FAM135B: variants seen among roughly 807,000 people sequenced by gnomAD.
FAM135B encodes family with sequence similarity 135 member B.
In FAM135B, 43 loss-of-function variants were observed where a neutral mutation model predicts 127.7. That is an observed-to-expected ratio of 0.34 (90% confidence interval 0.26 to 0.43). FAM135B has a LOEUF of 0.43. FAM135B is among the 20% of genes least tolerant of loss of function. The pLI, the probability that FAM135B is intolerant of heterozygous loss-of-function variation, is 1.00. For synonymous variants in FAM135B, 670 were observed against 665.1 expected, an observed-to-expected ratio of 1.01 and a Z score of -0.11; for missense variants, 1,558 against 1,725.6, an observed-to-expected ratio of 0.90 and a Z score of 1.72.
At chr8:138,186,669 T>C (rs983295573) in intron 9 of FAM135B, among the ~76,000 whole-genome samples, 4 of 152,232 alleles carry the variant, frequency 2.6e-5, no homozygotes, top group Non-Finnish European at 5.9e-5. Flanking sequence ...GCTAATTTAG[T>C]TGCTTTGTAT....
intron 1 of FAM135B, among the ~76,000 whole-genome samples, chr8:138,490,138 T>G (rs1203642770): frequency 6.6e-6 from 1 of 152,230 alleles, no homozygotes; most frequent in Non-Finnish European, 1.5e-5. Context: ...TGCCTTCATT[T>G]CACAATTGGG....
chr8:138,183,183 T>C (rs1478463551), intron 9 of FAM135B, among the ~76,000 whole-genome samples: 1 of 152,242 alleles, frequency 6.6e-6, no homozygotes, highest in African/African-American at 2.4e-5. Context: ...AGGCACTGTG[T>C]GCCAAGAGCT....
intron 2 of FAM135B, among the ~76,000 whole-genome samples, chr8:138,356,297 C>T (rs112675160): frequency 6.7e-4 from 101 of 151,688 alleles, no homozygotes; most frequent in African/African-American, 2.4e-3. Context: ...AGAGAGCCAG[C>T]GAGTGAGAGA....
intron 1 of FAM135B, among the ~76,000 whole-genome samples, chr8:138,369,378 C>T (rs1830972770): frequency 6.6e-6 from 1 of 152,140 alleles, no homozygotes; most frequent in Non-Finnish European, 1.5e-5. Flanking sequence ...AGAGTGCAAC[C>T]TCACTGCAGT....
intron 2 of FAM135B, among the ~76,000 whole-genome samples, chr8:138,315,574 T>C (rs938179060): frequency 6.6e-6 from 1 of 151,882 alleles, no homozygotes; most frequent in African/African-American, 2.4e-5. Flanking sequence ...ACAACATAAG[T>C]GCCCAGCAAT....
intron 1 of FAM135B, among the ~76,000 whole-genome samples, chr8:138,443,633 G>A (rs1835935979): frequency 6.6e-6 from 1 of 152,158 alleles, no homozygotes; most frequent in South Asian, 2.1e-4. Flanking sequence ...TGAGGGACAA[G>A]GGCTGTTCCC....
At chr8:138,361,930 T>C (rs1376788286) in intron 2 of FAM135B, among the ~76,000 whole-genome samples, 1 of 152,198 alleles carries the variant, frequency 6.6e-6, no homozygotes. Context: ...GTGACAAGCA[T>C]CTACCATGCA....
At chr8:138,138,201 T>A (rs1252238449) in intron 18 of FAM135B, among the ~76,000 whole-genome samples, 3 of 151,960 alleles carry the variant, frequency 2.0e-5, no homozygotes, top group Non-Finnish European at 4.4e-5. Flanking sequence ...CTCCTCCTCC[T>A]CCACAGGAGA....
At chr8:138,434,984 T>C (rs1430930993) in intron 1 of FAM135B, among the ~76,000 whole-genome samples, 1 of 152,170 alleles carries the variant, frequency 6.6e-6, no homozygotes, top group South Asian at 2.1e-4. Flanking sequence ...TCAGACAATG[T>C]ACATATTTTC....
chr8:138,455,434 T>C (rs1390397503), intron 1 of FAM135B, among the ~76,000 whole-genome samples: 7 of 152,198 alleles, frequency 4.6e-5, no homozygotes, highest in African/African-American at 9.6e-5. Context: ...AAATGAAGCA[T>C]AATATAGATG....
chr8:138,387,552 G>T (rs903789573), intron 1 of FAM135B, among the ~76,000 whole-genome samples: 1 of 152,062 alleles, frequency 6.6e-6, no homozygotes, highest in Non-Finnish European at 1.5e-5. Context: ...TCTCCCATTG[G>T]ACTTTGAGAC....
intron 2 of FAM135B, among the ~76,000 whole-genome samples, chr8:138,327,296 C>G (rs1252462940): frequency 2.0e-5 from 3 of 152,070 alleles, no homozygotes; most frequent in African/African-American, 7.2e-5. Flanking sequence ...GGACAATATT[C>G]AAAAAAGATT....
At chr8:138,464,611 C>A (rs1258178222) in intron 1 of FAM135B, among the ~76,000 whole-genome samples, 1 of 152,102 alleles carries the variant, frequency 6.6e-6, no homozygotes. Flanking sequence ...GGAGGTTTGC[C>A]AAAGTGACAG....
intron 2 of FAM135B, among the ~76,000 whole-genome samples, chr8:138,335,525 G>C (rs989939429): frequency 3.3e-5 from 5 of 152,090 alleles, no homozygotes; most frequent in Admixed American, 2.0e-4. Flanking sequence ...ATTACATAAT[G>C]GTAAAGGGAT....
intron 2 of FAM135B, among the ~76,000 whole-genome samples, chr8:138,346,186 C>T (rs1047783141): frequency 1.3e-5 from 2 of 152,186 alleles, no homozygotes; most frequent in African/African-American, 2.4e-5. Flanking sequence ...AAAAGGAACA[C>T]TTTTACACTG....
At chr8:138,183,106 C>T (rs759573907) in intron 9 of FAM135B, among the ~76,000 whole-genome samples, 2 of 143,068 alleles carry the variant, frequency 1.4e-5, no homozygotes, top group African/African-American at 5.2e-5. Context: ...CCCTCTCCTA[C>T]ATATACAAGG....
intron 1 of FAM135B, among the ~76,000 whole-genome samples, chr8:138,449,326 G>A (rs551741700): frequency 5.9e-5 from 9 of 152,128 alleles, no homozygotes; most frequent in Admixed American, 3.9e-4. Context: ...AGGCTGGCCC[G>A]GATTACAGCT....
At chr8:138,357,263 A>C (rs771474311) in intron 2 of FAM135B, among the ~76,000 whole-genome samples, 1 of 152,174 alleles carries the variant, frequency 6.6e-6, no homozygotes, top group Non-Finnish European at 1.5e-5. Context: ...TAATATTAAA[A>C]CTAAAACTAT....
At chr8:138,342,788 AC>A (rs1829144618) in intron 2 of FAM135B, among the ~76,000 whole-genome samples, 1 of 152,214 alleles carries the variant, frequency 6.6e-6, no homozygotes, top group Non-Finnish European at 1.5e-5. Flanking sequence ...ATGCATGCCC[AC>A]AAACACATAT....
Sources: allele counts gnomAD v4.1 joint callset (sites outside exome capture counted in the v4.1 genomes callset), GRCh38; gene constraint gnomAD v4.1.1; transcripts MANE v1.5; gene names NCBI Gene and HGNC (gene_info 2026-07-23, HGNC 2026-07-21).